Variants in KLRD1 observed in about 807,000 individuals in gnomAD.
The protein encoded by KLRD1 is natural killer cells antigen CD94.
In KLRD1, 21 loss-of-function variants were observed where a neutral mutation model predicts 22.6. The observed-to-expected ratio is 0.93, with a 90% CI of 0.66 to 1.34. The LOEUF (loss-of-function observed/expected upper bound fraction) is 1.34, where lower values mean the gene tolerates loss of function less well. KLRD1 is among the 40% of genes most tolerant of loss of function. The pLI is 0.00. For missense variants in KLRD1, 183 were observed against 208.6 expected, an observed-to-expected ratio of 0.88 and a Z score of 0.76; for synonymous variants, 59 against 71.1, an observed-to-expected ratio of 0.83 and a Z score of 0.85.
At chr12:10,309,718 T>C in intron 3 of KLRD1, 30 bp downstream of exon 3, 2 of 1,488,784 alleles carry the variant, frequency 1.3e-6, no homozygotes, top group East Asian at 2.3e-5. Flanking sequence ...AAACTTAGCA[T>C]TGGTAAAAGA....
rs1447971792 is a variant in KLRD1, at chr12:10,308,091, G to A, written c.7+7G>A. On this transcript the variant is annotated splice_region_variant and intron_variant, in intron 1 of 5. Coordinates refer to ENST00000336164, the MANE Select transcript of KLRD1 (RefSeq NM_002262.5). ...ACATAATTTCTCATGGCAGGTATGT[G>A]TGATTTCAGTCACTAAATTAAAAAT... is the stretch of plus-strand genomic sequence containing the variant. 6.2e-7 allele frequency: 1 copy of A among 1,611,140 alleles called. No individual in the cohort carries two copies. The highest frequency in any genetic ancestry group is 1.3e-5 in the African/African-American group (1 of 74,984).
chr12:10,264,951 A>G (rs986570406), intron 1 of KLRD1, among the ~76,000 whole-genome samples: 2 of 152,142 alleles, frequency 1.3e-5, no homozygotes, highest in Admixed American at 6.5e-5. Flanking sequence ...ATATCATGCA[A>G]TACTTTCTGT....
intron 1 of KLRD1, among the ~76,000 whole-genome samples, chr12:10,270,346 T>TA (rs1235720539): frequency 6.6e-6 from 1 of 152,206 alleles, no homozygotes; most frequent in Non-Finnish European, 1.5e-5. Flanking sequence ...GAAGTTGCTC[T>TA]AAAAAATACT....
At chr12:10,284,837 C>T (rs549708278) in intron 1 of KLRD1, among the ~76,000 whole-genome samples, 2 of 152,032 alleles carry the variant, frequency 1.3e-5, no homozygotes, top group East Asian at 3.9e-4. Context: ...CAAAATTAGC[C>T]GGGCATGGTG....
In KLRD1 at chr12:10,309,483, A is replaced by C. The variant is rs748088813; in HGVS notation, c.100+3A>C. The C allele has an allele frequency of 7.0e-7, 1 of 1,418,602 alleles. No homozygotes were observed. Among genetic ancestry groups the C allele is most frequent in the South Asian group, 1.1e-5 (1 of 86,992 alleles). The allele number at this position is 1,418,602 out of a possible 1,614,324, so 87.9% of individuals were successfully genotyped here. A position where few individuals can be genotyped will look rare whatever the true frequency, so the allele number is the denominator to read the frequency against. The stretch of plus-strand genomic sequence containing the variant: ...GTTGGGAATTTTGTTGAAAAATTGT[A>C]AGTTTTTCTAAGCAAGTCTCCATAA... On this transcript the variant is annotated splice_donor_region_variant and intron_variant, in intron 2 of 5. Coordinates refer to ENST00000336164, the MANE Select transcript of KLRD1 (RefSeq NM_002262.5).
At chr12:10,255,400 T>G (rs1949386195) in intron 1 of KLRD1, among the ~76,000 whole-genome samples, 1 of 152,180 alleles carries the variant, frequency 6.6e-6, no homozygotes, top group African/African-American at 2.4e-5. Flanking sequence ...TTTAATTTAT[T>G]TTCCTTTTTC....
intron 1 of KLRD1, among the ~76,000 whole-genome samples, chr12:10,277,087 T>A (rs2137649945): frequency 6.8e-6 from 1 of 147,128 alleles, no homozygotes; most frequent in East Asian, 2.0e-4. Context: ...ATGAAATAAA[T>A]ACAAAGGCAA....
chr12:10,312,911 T>C (rs771305165), intron 4 of KLRD1, among the ~76,000 whole-genome samples: 50 of 151,070 alleles, frequency 3.3e-4, no homozygotes, highest in East Asian at 1.4e-3. Flanking sequence ...GGCGTGAACC[T>C]GGGAGGCAGA....
At chr12:10,276,609 A>C (rs1224338741) in intron 1 of KLRD1, among the ~76,000 whole-genome samples, 1 of 148,936 alleles carries the variant, frequency 6.7e-6, no homozygotes, top group East Asian at 2.0e-4. Flanking sequence ...GCTCACCACA[A>C]CCTCCCCGTC....
intron 1 of KLRD1, among the ~76,000 whole-genome samples, chr12:10,294,358 T>C (rs1031996978): frequency 1.3e-5 from 2 of 151,012 alleles, no homozygotes; most frequent in Non-Finnish European, 2.9e-5. Flanking sequence ...CCTAGAAGTT[T>C]AGTACCTCAA....
At chr12:10,299,835 A>G (rs1949852303), upstream of KLRD1, among the ~76,000 whole-genome samples, 1 of 152,204 alleles carries the variant, frequency 6.6e-6, no homozygotes, top group South Asian at 2.1e-4. Context: ...TCAGTCCTCT[A>G]AAGCCTTGCC....
chr12:10,295,385 A>C (rs1200596095), intron 1 of KLRD1, among the ~76,000 whole-genome samples: 3 of 152,114 alleles, frequency 2.0e-5, no homozygotes, highest in Non-Finnish European at 4.4e-5. Context: ...CAAGTATCTG[A>C]TTTCTAATGA....
intron 1 of KLRD1, among the ~76,000 whole-genome samples, chr12:10,281,521 A>AGT (rs1949642687): frequency 6.6e-6 from 1 of 152,146 alleles, no homozygotes; most frequent in African/African-American, 2.4e-5. Flanking sequence ...ACAACACACA[A>AGT]GTGCAGGTTC....
At chr12:10,301,563 C>T (rs369234593), upstream of KLRD1, among the ~76,000 whole-genome samples, 4 of 152,252 alleles carry the variant, frequency 2.6e-5, no homozygotes, top group East Asian at 3.9e-4. Context: ...GTGTGCCTTG[C>T]GATTGTTAAA....
rs144726112 is a variant in KLRD1, at chr12:10,276,737, TAATC to T, written c.-100-31238_-100-31235del. On this transcript the variant is annotated intron_variant, in intron 1 of 5. Coordinates refer to the KLRD1 transcript ENST00000544747. ...TAAAATAATGGTCAATTTCCAGTGA[TAATC>T]AAGGTGAAATTTGAGAGCCTGATAT... Among the ~76,000 whole-genome samples, 630 of 151,072 alleles carry T rather than the reference TAATC, an allele frequency of 4.2e-3. 5 individuals carry two copies. The highest frequency in any genetic ancestry group is 0.015 in the African/African-American group (603 of 41,192).
At chr12:10,312,831 C>CA (rs1169978310) in intron 4 of KLRD1, among the ~76,000 whole-genome samples, 4 of 150,904 alleles carry the variant, frequency 2.7e-5, no homozygotes, top group Non-Finnish European at 5.9e-5. Flanking sequence ...ACTAAAAATA[C>CA]AAAAAATTAG....
At chr12:10,300,358 AT>A (rs1404529337), upstream of KLRD1, among the ~76,000 whole-genome samples, 1 of 152,236 alleles carries the variant, frequency 6.6e-6, no homozygotes, top group Non-Finnish European at 1.5e-5. Flanking sequence ...AGAAAACAAC[AT>A]GTATCTCCTT....
chr12:10,310,294 G>A (rs1205629557), intron 3 of KLRD1, among the ~76,000 whole-genome samples: 7 of 152,054 alleles, frequency 4.6e-5, no homozygotes, highest in East Asian at 3.9e-4. Flanking sequence ...TAATTTTTGT[G>A]TTATTAGTAG....
chr12:10,280,660 C>G (rs1423678712), intron 1 of KLRD1, among the ~76,000 whole-genome samples: 1 of 152,152 alleles, frequency 6.6e-6, no homozygotes, highest in African/African-American at 2.4e-5. Context: ...AGCTTCTCTT[C>G]TCCTACCAAT....
Sources: gnomAD v4.1 joint callset for allele counts (sites outside exome capture counted in the v4.1 genomes callset) on GRCh38, gnomAD v4.1.1 for gene constraint, MANE v1.5 for transcripts, NCBI Gene and HGNC (gene_info 2026-07-23, HGNC 2026-07-21) for gene names.